The following PDE2A variants were observed in gnomAD, a reference collection of about 807,000 sequenced individuals.
PDE2A encodes the protein phosphodiesterase 2A.
PDE2A carries 53 observed loss-of-function variants against 133.6 expected under a neutral mutation model. The ratio of observed to expected loss-of-function variants is 0.40; its 90% CI spans 0.32 to 0.50. The LOEUF (loss-of-function observed/expected upper bound fraction) is 0.50. Among genes scored for constraint, PDE2A ranks in the 20% least tolerant of loss-of-function variants. PDE2A has a pLI of 0.73. For synonymous variants in PDE2A, 491 were observed against 490.2 expected (o/e 1.00, Z -0.02); for missense variants, 796 against 1,232.4 (o/e 0.65, Z 5.30).
intron 2 of PDE2A, chr11:72,614,968 C>T: frequency 2.8e-6 from 1 of 361,340 alleles, no homozygotes; most frequent in South Asian, 2.0e-5. Flanking sequence ...CTCCCTCTTT[C>T]TCTTCCTCCC....
At chr11:72,579,507 T>TTCCCCCC in intron 26 of PDE2A, 27 bp downstream of exon 26, 5 of 1,354,164 alleles carry the variant, frequency 3.7e-6, no homozygotes, top group Non-Finnish European at 5.2e-6. Context: ...TCCCCCTCAA[T>TTCCCCCC]CCCCACCCCA....
chr11:72,615,227 G>A (rs1028970742), intron 2 of PDE2A: 8 of 345,604 alleles, frequency 2.3e-5, no homozygotes, highest in African/African-American at 6.2e-5. Context: ...AACCAGCTCC[G>A]CCCCGGCCTC....
At position 72,595,035 on chromosome 11, in the gene PDE2A, G is replaced by GACACAC. The variant is rs34720227; in HGVS notation, c.489+1552_489+1557dup. ...GATCTGATCCCACCAGCGTCCCTGAGACACACACACACACACACACACACA... is the reference window on the plus strand; with the variant it reads ...GATCTGATCCCACCAGCGTCCCTGAGACACACACACACACACACACACACACACACA... On this transcript the variant is annotated intron_variant, in intron 6 of 30. Transcript: ENST00000334456. Among the ~76,000 whole-genome samples the GACACAC allele has an allele frequency of 8.1e-4, 120 of 148,758 alleles. 1 individual carries two copies. The highest frequency in any genetic ancestry group is 2.3e-3 in the African/African-American group (93 of 40,404).
chr11:72,589,731 A>C lies in PDE2A; in HGVS notation c.873+20T>G, dbSNP rs1856147439. The C allele has an allele frequency of 6.2e-7, 1 of 1,613,146 alleles. No homozygotes were observed. The highest frequency in any genetic ancestry group is 8.5e-7 in the Non-Finnish European group (1 of 1,179,410). Reference sequence around the variant, plus strand: ...AACCGCCCCTGCAGACTCCAACGAGAAGACAGACGCGGGACTCACGGGAAA... The same window carrying C: ...AACCGCCCCTGCAGACTCCAACGAGCAGACAGACGCGGGACTCACGGGAAA... On this transcript the variant is annotated intron_variant, in intron 11 of 30. Coordinates refer to ENST00000334456, the MANE Select transcript of PDE2A (RefSeq NM_002599.5).
intron 22 of PDE2A, 28 bp from the exon 23 acceptor site, chr11:72,581,507 G>A: frequency 6.4e-7 from 1 of 1,570,046 alleles, no homozygotes; most frequent in Non-Finnish European, 8.6e-7. Flanking sequence ...GCAGAAGAGG[G>A]GCCTCAGCCT....
intron 2 of PDE2A, among the ~76,000 whole-genome samples, chr11:72,634,534 C>A (rs1858585920): frequency 6.6e-6 from 1 of 152,184 alleles, no homozygotes; most frequent in Admixed American, 6.5e-5. Context: ...GCAGCGGAAG[C>A]CCTTGGAACT....
intron 2 of PDE2A, among the ~76,000 whole-genome samples, chr11:72,621,514 C>T (rs1006129853): frequency 3.3e-5 from 5 of 152,238 alleles, no homozygotes; most frequent in Admixed American, 1.3e-4. Flanking sequence ...CCCACCTGCT[C>T]GGTGACACAC....
Position 72,585,076 on chromosome 11 carries a change from G to A in PDE2A, c.1287-132C>T, listed in dbSNP as rs1855901598. On this transcript the variant is annotated intron_variant, in intron 16 of 30. Transcript: ENST00000334456. ...TCCAAGGTAAGACACTCTGCTCAGGGCTGGCTGGCTCCAGAAACGTGTCCA... is the reference window on the plus strand; with the variant it reads ...TCCAAGGTAAGACACTCTGCTCAGGACTGGCTGGCTCCAGAAACGTGTCCA... The A allele has an allele frequency of 3.5e-6, 3 of 849,918 alleles. No homozygotes were observed. The African/African-American group carries it at 5.1e-5, about 14-fold the overall frequency. 52.6% of individuals were successfully genotyped at this position (849,918 alleles called of 1,614,324 possible).
rs1308580529 is a variant in PDE2A at position 72,585,372 on chromosome 11, T to A, written c.1285A>T (p.Ile429Phe). 1.2e-6 allele frequency: 2 copies of A among 1,613,366 alleles called. No homozygotes were observed. Among genetic ancestry groups the A allele is most frequent in the African/African-American group, 2.7e-5 (2 of 74,894 alleles). ...TEARNLSNAE[I>F]CSVFLLDQNE... ...TGTCCCCTGGGTAGAGTCACTCACATCTCTGCGTTGCTGAGGTTTCTGGCC... is the reference window on the plus strand; with the variant it reads ...TGTCCCCTGGGTAGAGTCACTCACAACTCTGCGTTGCTGAGGTTTCTGGCC... Residue 429 changes from isoleucine (I) to phenylalanine (F), a missense_variant and splice_region_variant, in exon 16 of 31, where the codon ATC becomes TTC. This residue lies in a region of PDE2A where 0 missense variants were observed against 20.0 expected (regional missense o/e 0.00). Coordinates refer to ENST00000334456, the MANE Select transcript of PDE2A (RefSeq NM_002599.5).
chr11:72,652,444 G>T, intron 1 of PDE2A: 1 of 452,326 alleles, frequency 2.2e-6, no homozygotes, highest in South Asian at 1.6e-5. Context: ...ACCATTTCCA[G>T]ATATGGCCCC....
At chr11:72,628,260 T>A (rs1165070225) in intron 2 of PDE2A, among the ~76,000 whole-genome samples, 1 of 152,166 alleles carries the variant, frequency 6.6e-6, no homozygotes, top group Non-Finnish European at 1.5e-5. Context: ...CATACAGTCT[T>A]TGTAACTTCT....
rs75349838 is a variant in PDE2A at position 72,670,869 on chromosome 11, A to G, written c.71+3268T>C. On this transcript the variant is annotated intron_variant, in intron 1 of 30. Transcript: ENST00000334456. Reference sequence around the variant, plus strand: ...GGAAGGGCTGCCCAGGAGGGAAGAGATGAACATCCTATGTCCGGGGGTATA... The same window carrying G: ...GGAAGGGCTGCCCAGGAGGGAAGAGGTGAACATCCTATGTCCGGGGGTATA... Among the ~76,000 whole-genome samples the G allele has an allele frequency of 1.9e-3, 296 of 152,256 alleles. 3 individuals carry two copies. Among genetic ancestry groups the G allele is most frequent in the African/African-American group, 6.9e-3 (287 of 41,530 alleles).
At chr11:72,632,811 C>T (rs1169765003) in intron 2 of PDE2A, among the ~76,000 whole-genome samples, 1 of 151,732 alleles carries the variant, frequency 6.6e-6, no homozygotes, top group Admixed American at 6.6e-5. Flanking sequence ...CAGGTTCCCT[C>T]CCCCCAGCAG....
rs578032086 is a variant in PDE2A at position 72,594,769 on chromosome 11, T to C, written c.489+1824A>G. On this transcript the variant is annotated intron_variant, in intron 6 of 30. Coordinates refer to ENST00000334456, the MANE Select transcript of PDE2A (RefSeq NM_002599.5). ...TCCCCTTTCCCTTCTTCCCTGCCTG[T>C]GGACCTCCTACCTGTGCCCCAAGGC... Among the ~76,000 whole-genome samples the C allele has an allele frequency of 4.6e-5, 7 of 152,282 alleles. No homozygotes were observed. The South Asian group carries it at 1.0e-3, about 23-fold the overall frequency.
At chr11:72,617,234 C>G (rs115510254) in intron 2 of PDE2A, among the ~76,000 whole-genome samples, 1 of 152,302 alleles carries the variant, frequency 6.6e-6, no homozygotes, top group African/African-American at 2.4e-5. Flanking sequence ...GAGGTAAATG[C>G]TGAAGGAGGC....
intron 4 of PDE2A, among the ~76,000 whole-genome samples, chr11:72,602,924 G>A (rs946452622): frequency 2.7e-4 from 41 of 152,148 alleles, no homozygotes; most frequent in African/African-American, 2.4e-4. Flanking sequence ...GGGCCTCTCC[G>A]CCCTAACTGT....
chr11:72,666,579 T>C (rs1855239122), intron 1 of PDE2A, among the ~76,000 whole-genome samples: 1 of 152,108 alleles, frequency 6.6e-6, no homozygotes, highest in South Asian at 2.1e-4. Context: ...AGAAAAAGTA[T>C]TGAATAGCCA....
In PDE2A at chr11:72,590,216, G is replaced by A. The variant is rs1293908841; in HGVS notation, c.732C>T (p.Ser244=). The change falls in exon 9 of 31, where the codon TCC becomes TCT. Residue 244 remains serine, a synonymous_variant. Transcript: ENST00000334456. The surrounding 1 kb of genome is among the most constrained non-coding windows in gnomAD (Gnocchi z 4.8). ...CGELYDLDAS[S]LQLKVLQYLQ... is the part of the protein sequence containing the mutation. ...CGTATTGGAGCACTTTGAGCTGCAG[G>A]GAAGAGGCATCCAGGTCGTAGAGTT... 3 of 1,551,734 alleles carry A rather than the reference G, an allele frequency of 1.9e-6. No homozygotes were observed. The Admixed American group carries it at 5.9e-5, about 30-fold the overall frequency.
intron 25 of PDE2A, among the ~76,000 whole-genome samples, chr11:72,580,172 G>A (rs866307244): frequency 6.6e-6 from 1 of 152,166 alleles, no homozygotes; most frequent in Non-Finnish European, 1.5e-5. Context: ...AGGTGACCTT[G>A]GAAATGTGTC....
Sources: gnomAD v4.1 joint callset for allele counts (sites outside exome capture counted in the v4.1 genomes callset) on GRCh38, gnomAD v4.1.1 for gene constraint, gnomAD v4.1.1 regional missense constraint, Gnocchi (gnomAD v3.1) non-coding constraint, MANE v1.5 for transcripts, NCBI Gene and HGNC (gene_info 2026-07-23, HGNC 2026-07-21) for gene names.